The following ROBO2 variants were observed in gnomAD, a reference collection of about 807,000 sequenced individuals.
The protein encoded by ROBO2 is roundabout guidance receptor 2.
Under a neutral mutation model 160.8 loss-of-function variants are expected in ROBO2, and 53 were observed. The observed-to-expected ratio is 0.33, with a 90% CI of 0.26 to 0.41. The LOEUF (loss-of-function observed/expected upper bound fraction) is 0.41. Ranked by LOEUF, ROBO2 falls within the 10% of genes least tolerant of loss-of-function variation. The pLI is 1.00. For synonymous variants in ROBO2, 664 were observed against 611.7 expected (o/e 1.09, Z -1.26); for missense variants, 1,577 against 1,722.4 (o/e 0.92, Z 1.49).
At chr3:76,298,682 T>C (rs983219861) in intron 2 of ROBO2, among the ~76,000 whole-genome samples, 1 of 152,186 alleles carries the variant, frequency 6.6e-6, no homozygotes, top group Non-Finnish European at 1.5e-5. Context: ...ATATTTTATC[T>C]CCATGTTTAA....
intron 2 of ROBO2, among the ~76,000 whole-genome samples, chr3:77,213,098 G>C (rs538177552): frequency 1.3e-5 from 2 of 152,152 alleles, no homozygotes; most frequent in Non-Finnish European, 2.9e-5. Flanking sequence ...CATAAAATAA[G>C]TTAGAGATGA....
At chr3:77,277,200 C>CTTTCTTTCTTTCTT (rs2059925261) in intron 2 of ROBO2, among the ~76,000 whole-genome samples, 1 of 129,296 alleles carries the variant, frequency 7.7e-6, no homozygotes, top group East Asian at 2.2e-4. Context: ...TTCTTTCTTT[C>CTTTCTTTCTTTCTT]TTTCTTTCTT....
At chr3:75,987,708 A>G (rs752467995) in intron 2 of ROBO2, among the ~76,000 whole-genome samples, 1 of 151,990 alleles carries the variant, frequency 6.6e-6, no homozygotes, top group African/African-American at 2.4e-5. Context: ...GGATTTTATT[A>G]TGTTAAGGTA....
chr3:77,322,495 G>A (rs570511952), intron 2 of ROBO2, among the ~76,000 whole-genome samples: 1 of 151,880 alleles, frequency 6.6e-6, no homozygotes, highest in South Asian at 2.1e-4. Flanking sequence ...ACATTTTTTG[G>A]TGGCAAAATT....
intron 2 of ROBO2, among the ~76,000 whole-genome samples, chr3:76,218,694 C>G (rs1703737720): frequency 1.3e-5 from 2 of 152,158 alleles, no homozygotes; most frequent in East Asian, 1.9e-4. Context: ...ACATTCCATG[C>G]TCATGGGTAG....
intron 2 of ROBO2, among the ~76,000 whole-genome samples, chr3:77,410,825 C>G (rs1288933768): frequency 2.0e-5 from 3 of 148,160 alleles, no homozygotes; most frequent in Non-Finnish European, 4.5e-5. Context: ...TCTCCTTCTT[C>G]TTCTTGTCAC....
At chr3:76,933,645 C>A (rs774362445) in intron 2 of ROBO2, among the ~76,000 whole-genome samples, 13 of 152,164 alleles carry the variant, frequency 8.5e-5, no homozygotes, top group Non-Finnish European at 1.9e-4. Flanking sequence ...GCCTTTCCTC[C>A]TCTAAGTTTG....
At chr3:75,922,107 C>T (rs1559753361) in intron 1 of ROBO2, among the ~76,000 whole-genome samples, 1 of 152,030 alleles carries the variant, frequency 6.6e-6, no homozygotes, top group Non-Finnish European at 1.5e-5. Context: ...TCTCAATAAA[C>T]CTAAAATCCA....
At chr3:77,109,079 A>G (rs2073226616) in intron 2 of ROBO2, among the ~76,000 whole-genome samples, 1 of 152,106 alleles carries the variant, frequency 6.6e-6, no homozygotes, top group African/African-American at 2.4e-5. Flanking sequence ...GAATAGGAAA[A>G]GAGGAGATAA....
intron 2 of ROBO2, among the ~76,000 whole-genome samples, chr3:76,218,394 G>GA (rs1703714662): frequency 6.6e-6 from 1 of 152,172 alleles, no homozygotes; most frequent in Non-Finnish European, 1.5e-5. Context: ...CAGATGAAGT[G>GA]ATTGTATATC....
chr3:76,312,173 GTT>G (rs893202953), intron 2 of ROBO2, among the ~76,000 whole-genome samples: 10 of 152,140 alleles, frequency 6.6e-5, no homozygotes, highest in Admixed American at 5.9e-4. Context: ...TCTGGACACT[GTT>G]TGTATGTTTG....
intron 2 of ROBO2, among the ~76,000 whole-genome samples, chr3:75,952,685 G>A (rs2107200669): frequency 1.3e-5 from 2 of 152,016 alleles, no homozygotes; most frequent in Middle Eastern, 6.8e-3. Flanking sequence ...CTTGTCTTAT[G>A]CATTCTATAG....
chr3:76,194,816 C>T (rs1018559647), intron 2 of ROBO2, among the ~76,000 whole-genome samples: 2 of 152,128 alleles, frequency 1.3e-5, no homozygotes, highest in Non-Finnish European at 2.9e-5. Context: ...GACGGGGTTT[C>T]ACCATGTTGG....
chr3:76,056,325 A>G (rs980312128), intron 2 of ROBO2, among the ~76,000 whole-genome samples: 1 of 152,204 alleles, frequency 6.6e-6, no homozygotes, highest in African/African-American at 2.4e-5. Flanking sequence ...AGACTGAAAC[A>G]AAATATTCTT....
At chr3:77,554,253 A>C (rs1198936856) in intron 8 of ROBO2, among the ~76,000 whole-genome samples, 1 of 151,848 alleles carries the variant, frequency 6.6e-6, no homozygotes, top group South Asian at 2.1e-4. Flanking sequence ...GTTGAGATCT[A>C]CTCTGCAGAA....
intron 2 of ROBO2, among the ~76,000 whole-genome samples, chr3:77,242,609 G>T (rs1051586218): frequency 5.3e-5 from 8 of 152,092 alleles, no homozygotes; most frequent in African/African-American, 1.9e-4. Flanking sequence ...CAAGAGGGTG[G>T]TATAAACAGC....
chr3:77,206,774 T>G (rs2083498109), intron 2 of ROBO2, among the ~76,000 whole-genome samples: 1 of 152,292 alleles, frequency 6.6e-6, no homozygotes, highest in Middle Eastern at 3.4e-3. Flanking sequence ...CATTTTTAAG[T>G]TTTTGATGGA....
chr3:77,294,348 A>AATAAAATT (rs2061752304), intron 2 of ROBO2, among the ~76,000 whole-genome samples: 1 of 143,836 alleles, frequency 7.0e-6, no homozygotes, highest in Non-Finnish European at 1.5e-5. Flanking sequence ...AAAGACATAA[A>AATAAAATT]GTAAAATTGA....
intron 2 of ROBO2, among the ~76,000 whole-genome samples, chr3:76,971,797 C>A (rs73841681): frequency 3.3e-5 from 5 of 152,096 alleles, no homozygotes; most frequent in African/African-American, 1.2e-4. Flanking sequence ...AGTTAAGAAC[C>A]TATTCACTTG....
Sources: allele counts gnomAD v4.1 joint callset (sites outside exome capture counted in the v4.1 genomes callset), GRCh38; gene constraint gnomAD v4.1.1; transcripts MANE v1.5; gene names NCBI Gene and HGNC (gene_info 2026-07-23, HGNC 2026-07-21).